Variants in ZNF391 observed in about 807,000 individuals in gnomAD.
ZNF391 encodes zinc finger protein 391.
For synonymous variants in ZNF391, 126 were observed against 142.1 expected (o/e 0.89, Z 0.80); for missense variants, 375 against 425.5 (o/e 0.88, Z 1.04).
At chr6:27,378,615 A>C (rs1761452008) in intron 1 of ZNF391, among the ~76,000 whole-genome samples, 1 of 152,008 alleles carries the variant, frequency 6.6e-6, no homozygotes, top group Non-Finnish European at 1.5e-5. Flanking sequence ...TTTAAATATC[A>C]CTTCTTTTGT....
At chr6:27,380,640 A>T (rs1448065485) in intron 1 of ZNF391, among the ~76,000 whole-genome samples, 2 of 152,170 alleles carry the variant, frequency 1.3e-5, no homozygotes, top group Non-Finnish European at 2.9e-5. Flanking sequence ...GGTAGAGCCA[A>T]GTGGTCTGTT....
At chr6:27,388,353 C>T (rs1761616869), upstream of ZNF391, among the ~76,000 whole-genome samples, 1 of 151,986 alleles carries the variant, frequency 6.6e-6, no homozygotes, top group Admixed American at 6.6e-5. Flanking sequence ...CTAGATTGTG[C>T]AACGGAGCCA....
At position 27,376,618 on chromosome 6, in the gene ZNF391, A is replaced by G. The variant is rs1171937105; in HGVS notation, n.523+1481A>G. Among the ~76,000 whole-genome samples the G allele has an allele frequency of 1.3e-5, 2 of 152,098 alleles. No homozygotes were observed. The highest frequency in any genetic ancestry group is 4.8e-5 in the African/African-American group (2 of 41,414). The stretch of plus-strand genomic sequence containing the variant: ...TCTTCATACTTAAAATAGAAACGAA[A>G]TCAGTTTCCACCCATTGATAAGGTA... On this transcript the variant is annotated intron_variant and non_coding_transcript_variant, in intron 1 of 2. Coordinates refer to the ZNF391 transcript ENST00000477999. This position sits in a 1 kb window ranked among gnomAD's most constrained non-coding sequence, Gnocchi z 4.7.
chr6:27,382,802 G>C (rs919986630), intron 1 of ZNF391, among the ~76,000 whole-genome samples: 1 of 152,186 alleles, frequency 6.6e-6, no homozygotes, highest in Non-Finnish European at 1.5e-5. Context: ...TGATCTTGCT[G>C]TTTATCCCAA....
intron 1 of ZNF391, among the ~76,000 whole-genome samples, chr6:27,379,655 G>A (rs968780670): frequency 3.0e-4 from 45 of 152,178 alleles, no homozygotes; most frequent in African/African-American, 1.0e-3. Context: ...CAGGAATTCA[G>A]CAAAATGAGT....
intron 1 of ZNF391, among the ~76,000 whole-genome samples, chr6:27,382,553 G>C (rs1216241109): frequency 6.6e-6 from 1 of 152,134 alleles, no homozygotes; most frequent in African/African-American, 2.4e-5. Context: ...CACATATGGT[G>C]GGGATGTTAG....
At chr6:27,389,809 C>T (rs1434823108) in intron 1 of ZNF391, among the ~76,000 whole-genome samples, 2 of 103,304 alleles carry the variant, frequency 1.9e-5, no homozygotes, top group East Asian at 5.3e-4. Flanking sequence ...CGCGCCCCTC[C>T]CCCCCAAAAA....
intron 2 of ZNF391, among the ~76,000 whole-genome samples, 163 bp downstream of exon 2, chr6:27,399,713 T>A (rs2113661698): frequency 1.3e-5 from 2 of 152,338 alleles, no homozygotes; most frequent in Middle Eastern, 6.8e-3. Flanking sequence ...GCTAAATCTC[T>A]GATAGTCTAG....
At chr6:27,393,119 A>G (rs187928022) in intron 1 of ZNF391, among the ~76,000 whole-genome samples, 1 of 152,350 alleles carries the variant, frequency 6.6e-6, no homozygotes, top group African/African-American at 2.4e-5. Context: ...ATACAGTTGT[A>G]TATATAATGA....
intron 1 of ZNF391, among the ~76,000 whole-genome samples, chr6:27,397,082 C>T (rs1412006146): frequency 6.6e-6 from 1 of 152,164 alleles, no homozygotes; most frequent in Non-Finnish European, 1.5e-5. Context: ...TCTTGCATTG[C>T]TATGGAAATG....
chr6:27,392,295 G>A lies in ZNF391; in HGVS notation c.-188+3220G>A, dbSNP rs151119452. ...TGAGATGATGGAGTCTTGCTCTGTC[G>A]CCCAGGCCAGAGTGCAGTGGTACAG... On this transcript the variant is annotated intron_variant, in intron 1 of 2. Coordinates refer to ENST00000244576, the MANE Select transcript of ZNF391 (RefSeq NM_001076781.3). Among the ~76,000 whole-genome samples, 899 of 152,028 alleles carry A rather than the reference G, an allele frequency of 5.9e-3. 7 individuals carry two copies. The highest frequency in any genetic ancestry group is 0.021 in the Middle Eastern group (6 of 292).
In ZNF391 at chr6:27,400,745, T is replaced by G; in HGVS notation, c.375T>G (p.Leu125=). ...CCTTTAGTTACCAATCAGACCTTCTTGTACACAGTAGAATTCATGGTGGAG... is the reference window on the plus strand; with the variant it reads ...CCTTTAGTTACCAATCAGACCTTCTGGTACACAGTAGAATTCATGGTGGAG... ...EKAFSYQSDL[L]VHSRIHGGEK... The change falls in exon 3 of 3, where the codon CTT becomes CTG. Residue 125 remains leucine (L), a synonymous_variant. Transcript: ENST00000244576. 4 of 1,614,228 alleles carry G rather than the reference T, an allele frequency of 2.5e-6. No individual in the cohort carries two copies. Among genetic ancestry groups the G allele is most frequent in the Non-Finnish European group, 2.5e-6 (3 of 1,180,040 alleles).
At chr6:27,396,451 G>A (rs1394111204) in intron 1 of ZNF391, among the ~76,000 whole-genome samples, 2 of 152,124 alleles carry the variant, frequency 1.3e-5, no homozygotes, top group Admixed American at 6.6e-5. Flanking sequence ...TTGGCTGGAC[G>A]TGGTGGCTCA....
chr6:27,399,124 G>A (rs546132131), intron 1 of ZNF391, among the ~76,000 whole-genome samples: 7 of 152,164 alleles, frequency 4.6e-5, no homozygotes, highest in Non-Finnish European at 1.0e-4. Context: ...TCACATGAAC[G>A]TATTAAAATA....
intron 1 of ZNF391, chr6:27,389,606 C>T: frequency 2.7e-6 from 1 of 365,506 alleles, no homozygotes; most frequent in Non-Finnish European, 5.2e-6. Flanking sequence ...GAGGTCGAGA[C>T]CAGCCTGGCC....
At chr6:27,378,933 A>C (rs1761457666) in intron 1 of ZNF391, among the ~76,000 whole-genome samples, 1 of 149,536 alleles carries the variant, frequency 6.7e-6, no homozygotes, top group Non-Finnish European at 1.5e-5. Flanking sequence ...CTGTCTCTAA[A>C]AAAAAAAAAA....
rs1179017604 is a variant in ZNF391 at position 27,402,471 on chromosome 6, T to G, written c.*1024T>G. 1.3e-5 allele frequency: 2 copies of G among 152,192 alleles called. No homozygotes were observed. Among genetic ancestry groups the G allele is most frequent in the African/African-American group, 4.8e-5 (2 of 41,438 alleles). 9.4% of individuals were successfully genotyped at this position (152,192 alleles called of 1,614,324 possible). ...CTACACTTTTCCTACCTCTCAGCAT[T>G]TCTTTGATTGTCAATGATCAGCTCT... On this transcript the variant is annotated 3_prime_UTR_variant, in exon 3 of 3. Coordinates refer to ENST00000244576, the MANE Select transcript of ZNF391 (RefSeq NM_001076781.3).
chr6:27,399,274 T>A (rs972824398), intron 1 of ZNF391, among the ~76,000 whole-genome samples, 168 bp from the exon 2 acceptor site: 2 of 152,206 alleles, frequency 1.3e-5, no homozygotes, highest in Non-Finnish European at 2.9e-5. Context: ...TCTTTTGGCA[T>A]CTAATTTTAG....
At chr6:27,387,726 A>T (rs1198926842), upstream of ZNF391, among the ~76,000 whole-genome samples, 2 of 152,142 alleles carry the variant, frequency 1.3e-5, no homozygotes, top group African/African-American at 4.8e-5. Flanking sequence ...GTTACCAGGG[A>T]CTGTGGGGAG....
Sources: allele counts gnomAD v4.1 joint callset (sites outside exome capture counted in the v4.1 genomes callset), GRCh38; gene constraint gnomAD v4.1.1; non-coding constraint Gnocchi (gnomAD v3.1); transcripts MANE v1.5; gene names NCBI Gene and HGNC (gene_info 2026-07-23, HGNC 2026-07-21).